TUSC3: variants seen among roughly 807,000 people sequenced by gnomAD.
The protein encoded by TUSC3 is dolichyl-diphosphooligosaccharide--protein glycosyltransferase subunit TUSC3.
Under a neutral mutation model 44.8 loss-of-function variants are expected in TUSC3, and 45 were observed. The observed-to-expected ratio is 1.00, with a 90% CI of 0.79 to 1.29. TUSC3 has a LOEUF of 1.29. Ranked by LOEUF, TUSC3 falls within the 50% of genes most tolerant of loss-of-function variation. The pLI is 0.00. For synonymous variants in TUSC3, 212 were observed against 152.9 expected (o/e 1.39, Z -2.85); for missense variants, 519 against 437.9 (o/e 1.19, Z -1.65).
At chr8:15,537,926 A>C (rs1801547434), upstream of TUSC3, among the ~76,000 whole-genome samples, 1 of 152,232 alleles carries the variant, frequency 6.6e-6, no homozygotes, top group Non-Finnish European at 1.5e-5. Flanking sequence ...TGTCTCAAGG[A>C]AACAGCCAGG....
intron 10 of TUSC3, 127 bp downstream of exon 10, chr8:15,757,982 G>C (rs995903196): frequency 6.7e-7 from 1 of 1,482,650 alleles, no homozygotes. Context: ...ACTTTTAACT[G>C]TGAGATTCCA....
intron 2 of TUSC3, among the ~76,000 whole-genome samples, chr8:15,488,531 T>C (rs1370383909): frequency 6.6e-6 from 1 of 152,060 alleles, no homozygotes; most frequent in South Asian, 2.1e-4. Context: ...GTCATCTTGG[T>C]AATAAAATAG....
At chr8:15,782,894 A>G in the TUSC3 span, among the ~76,000 whole-genome samples, 1 of 152,202 alleles carries the variant, frequency 6.6e-6, no homozygotes, top group Non-Finnish European at 1.5e-5. Context: ...GAGTCAAAAT[A>G]AACAAAAGAT....
rs144303888 is a variant in TUSC3, at chr8:15,524,225, T to C, written n.189+40742T>C. On this transcript the variant is annotated intron_variant and non_coding_transcript_variant, in intron 2 of 5. Transcript: ENST00000503191. ...AATTCTTAAAAATACAAATATTAAATAGGAGTTAATTTGCAGTTTTTAAAA... is the reference window on the plus strand; with the variant it reads ...AATTCTTAAAAATACAAATATTAAACAGGAGTTAATTTGCAGTTTTTAAAA... Among the ~76,000 whole-genome samples, 754 of 152,226 alleles carry C rather than the reference T, an allele frequency of 5.0e-3. 6 individuals carry two copies. The highest frequency in any genetic ancestry group is 0.017 in the African/African-American group (727 of 41,544).
At chr8:15,569,942 T>A (rs543539617) in intron 1 of TUSC3, among the ~76,000 whole-genome samples, 3 of 152,200 alleles carry the variant, frequency 2.0e-5, no homozygotes, top group East Asian at 1.9e-4. Context: ...TCATACTGCT[T>A]CAGTCACTTC....
At chr8:15,495,687 G>T (rs1347242239) in intron 2 of TUSC3, among the ~76,000 whole-genome samples, 2 of 152,146 alleles carry the variant, frequency 1.3e-5, no homozygotes, top group African/African-American at 4.8e-5. Flanking sequence ...TACCTGCCAT[G>T]ATCTTGCTGG....
chr8:15,538,822 TTAAG>T (rs572009822), upstream of TUSC3, among the ~76,000 whole-genome samples: 5 of 151,708 alleles, frequency 3.3e-5, no homozygotes, highest in South Asian at 8.3e-4. Context: ...TATATATTCC[TTAAG>T]TATTATATAT....
chr8:15,484,743 C>G (rs894885900), intron 2 of TUSC3, among the ~76,000 whole-genome samples: 2 of 152,110 alleles, frequency 1.3e-5, no homozygotes, highest in African/African-American at 4.8e-5. Flanking sequence ...TGAAACTGCG[C>G]AAAGCAATTT....
intron 2 of TUSC3, among the ~76,000 whole-genome samples, chr8:15,633,421 T>G (rs1474880215): frequency 2.0e-5 from 3 of 152,200 alleles, no homozygotes; most frequent in African/African-American, 7.2e-5. Flanking sequence ...GTGGAATTGT[T>G]TCTTTCCAAA....
chr8:15,611,235 G>T (rs775266863), intron 1 of TUSC3, among the ~76,000 whole-genome samples: 2 of 152,120 alleles, frequency 1.3e-5, no homozygotes, highest in Non-Finnish European at 2.9e-5. Flanking sequence ...CTCCCAGTCT[G>T]GAGGGCAATG....
At chr8:15,490,079 G>T (rs529218386) in intron 2 of TUSC3, among the ~76,000 whole-genome samples, 1 of 152,296 alleles carries the variant, frequency 6.6e-6, no homozygotes, top group East Asian at 1.9e-4. Context: ...ATGTAAAACA[G>T]AAGGAATTTG....
intron 6 of TUSC3, among the ~76,000 whole-genome samples, chr8:15,692,158 A>T (rs2129190575): frequency 6.6e-6 from 1 of 152,264 alleles, no homozygotes; most frequent in African/African-American, 2.4e-5. Context: ...AACATTGCAT[A>T]CCAGGGATAA....
At chr8:15,729,027 A>C (rs183703725) in intron 6 of TUSC3, among the ~76,000 whole-genome samples, 4 of 152,308 alleles carry the variant, frequency 2.6e-5, no homozygotes, top group Admixed American at 6.5e-5. Context: ...CCTTGACAAA[A>C]GATTGATCAG....
rs577214300 is a variant in TUSC3, at chr8:15,627,388, A to G, written c.308+4139A>G. On this transcript the variant is annotated intron_variant, in intron 2 of 10. Coordinates refer to ENST00000503731, the MANE Select transcript of TUSC3 (RefSeq NM_006765.4). ...CCTCTGAGCTGTTCTTTTGCTCACT[A>G]AAGCTCCTCTTTGTCTTACTCACCC... Among the ~76,000 whole-genome samples the G allele has an allele frequency of 2.0e-5, 3 of 152,342 alleles. No individual in the cohort carries two copies. In the East Asian group the frequency reaches 5.8e-4, roughly 29 times the overall value.
At chr8:15,608,849 T>A (rs951002765) in intron 1 of TUSC3, among the ~76,000 whole-genome samples, 1 of 152,208 alleles carries the variant, frequency 6.6e-6, no homozygotes, top group East Asian at 1.9e-4. Flanking sequence ...TGGATATTTC[T>A]TTATAGCAGT....
chr8:15,837,283 A>T, the TUSC3 span, among the ~76,000 whole-genome samples: 1 of 152,104 alleles, frequency 6.6e-6, no homozygotes, highest in African/African-American at 2.4e-5. Flanking sequence ...TTCTTATGGC[A>T]TATGTGCTTT....
intron 6 of TUSC3, among the ~76,000 whole-genome samples, chr8:15,723,308 T>G (rs1810377681): frequency 6.6e-6 from 1 of 152,196 alleles, no homozygotes; most frequent in African/African-American, 2.4e-5. Context: ...GGCTTATTGC[T>G]GACACCTCAC....
the TUSC3 span, among the ~76,000 whole-genome samples, chr8:15,812,628 T>A: frequency 6.6e-6 from 1 of 152,192 alleles, no homozygotes; most frequent in Non-Finnish European, 1.5e-5. Flanking sequence ...AAAGGCAGCT[T>A]ACTGGGGATG....
chr8:15,790,826 G>A, the TUSC3 span, among the ~76,000 whole-genome samples: 1 of 152,184 alleles, frequency 6.6e-6, no homozygotes, highest in Non-Finnish European at 1.5e-5. Context: ...CACAAGTGAG[G>A]AGAGGAGGGG....
Sources: gnomAD v4.1 joint callset for allele counts (sites outside exome capture counted in the v4.1 genomes callset) on GRCh38, gnomAD v4.1.1 for gene constraint, MANE v1.5 for transcripts, NCBI Gene and HGNC (gene_info 2026-07-23, HGNC 2026-07-21) for gene names.